The following ASCC3 variants were observed in gnomAD, a reference collection of about 807,000 sequenced individuals.
ASCC3 encodes the protein activating signal cointegrator 1 complex subunit 3.
ASCC3 carries 158 observed loss-of-function variants against 256.3 expected under a neutral mutation model. The observed-to-expected ratio is 0.62, with a 90% confidence interval of 0.54 to 0.70. The LOEUF (loss-of-function observed/expected upper bound fraction) is 0.70, where lower values mean the gene tolerates loss of function less well. ASCC3 is among the 30% of genes least tolerant of loss of function. ASCC3 has a pLI of 0.00. For synonymous variants in ASCC3, 948 were observed against 883.4 expected (o/e 1.07, Z -1.30); for missense variants, 2,259 against 2,626.0 (o/e 0.86, Z 3.05).
intron 8 of ASCC3, among the ~76,000 whole-genome samples, chr6:100,768,525 A>G (rs1781772345): frequency 6.6e-6 from 1 of 152,206 alleles, no homozygotes; most frequent in African/African-American, 2.4e-5. Flanking sequence ...ATTAATCAAC[A>G]CGATATAATA....
At chr6:100,775,339 A>C (rs775331744) in intron 8 of ASCC3, among the ~76,000 whole-genome samples, 4 of 152,144 alleles carry the variant, frequency 2.6e-5, no homozygotes, top group Admixed American at 6.5e-5. Flanking sequence ...AGAAATTATC[A>C]AGACTCCTCT....
chr6:100,868,946 T>G (rs1582990381), intron 1 of ASCC3, among the ~76,000 whole-genome samples: 1 of 152,230 alleles, frequency 6.6e-6, no homozygotes, highest in African/African-American at 2.4e-5. Context: ...AGGAGAGCCC[T>G]GATCTATGAA....
chr6:100,851,586 A>T (rs1415667838), intron 3 of ASCC3, among the ~76,000 whole-genome samples: 1 of 152,170 alleles, frequency 6.6e-6, no homozygotes, highest in Non-Finnish European at 1.5e-5. Flanking sequence ...CATTAACTTA[A>T]ATCTATAATT....
chr6:100,745,226 T>C (rs1379005069), intron 10 of ASCC3, among the ~76,000 whole-genome samples: 1 of 151,274 alleles, frequency 6.6e-6, no homozygotes, highest in East Asian at 1.9e-4. Flanking sequence ...ACTCAGGAGG[T>C]TGAGGCAAGA....
intron 37 of ASCC3, among the ~76,000 whole-genome samples, chr6:100,520,938 T>C (rs954536994): frequency 1.3e-5 from 2 of 152,130 alleles, no homozygotes; most frequent in African/African-American, 2.4e-5. Context: ...CCTTTTGTAA[T>C]CCTCTGTTTA....
intron 4 of ASCC3, among the ~76,000 whole-genome samples, chr6:100,823,681 G>A (rs1487860363): frequency 1.3e-5 from 2 of 152,018 alleles, no homozygotes; most frequent in East Asian, 3.9e-4. Context: ...TTCATGAATA[G>A]AAACAGTCAA....
chr6:100,772,495 G>A (rs1781989092), intron 8 of ASCC3, among the ~76,000 whole-genome samples: 1 of 152,156 alleles, frequency 6.6e-6, no homozygotes, highest in South Asian at 2.1e-4. Flanking sequence ...ATTAATTATT[G>A]AGACATGTAA....
chr6:100,737,180 G>A (rs1265869387), intron 10 of ASCC3, among the ~76,000 whole-genome samples: 4 of 150,604 alleles, frequency 2.7e-5, no homozygotes, highest in South Asian at 2.1e-4. Flanking sequence ...GGCAGTGGGG[G>A]TGGGTAGGGA....
chr6:100,729,410 A>C (rs2115046550), intron 10 of ASCC3, among the ~76,000 whole-genome samples: 1 of 152,342 alleles, frequency 6.6e-6, no homozygotes, highest in East Asian at 1.9e-4. Context: ...GTGTATTGGA[A>C]GCTATGCTTC....
chr6:100,758,791 G>A (rs1781303997), intron 10 of ASCC3, among the ~76,000 whole-genome samples: 1 of 152,096 alleles, frequency 6.6e-6, no homozygotes, highest in Non-Finnish European at 1.5e-5. Flanking sequence ...TGGTATTTCT[G>A]GTTTTAGATC....
chr6:100,717,989 G>A (rs1779163061), intron 12 of ASCC3, 86 bp downstream of exon 12: 1 of 1,316,670 alleles, frequency 7.6e-7, no homozygotes, highest in South Asian at 1.3e-5. Context: ...GGCTGAAATG[G>A]TCTTTTGGAG....
At chr6:100,691,043 ATACTT>A (rs1777822158) in intron 13 of ASCC3, among the ~76,000 whole-genome samples, 1 of 152,152 alleles carries the variant, frequency 6.6e-6, no homozygotes, top group Admixed American at 6.5e-5. Context: ...GAAATCAACA[ATACTT>A]TACATCTCCT....
At chr6:100,563,345 A>C (rs1770053903) in intron 36 of ASCC3, among the ~76,000 whole-genome samples, 2 of 152,188 alleles carry the variant, frequency 1.3e-5, no homozygotes, top group South Asian at 4.1e-4. Context: ...TTTAATTCTT[A>C]ATCTAGCTGA....
At chr6:100,590,443 T>C (rs1299190054) in intron 34 of ASCC3, among the ~76,000 whole-genome samples, 1 of 152,132 alleles carries the variant, frequency 6.6e-6, no homozygotes, top group Non-Finnish European at 1.5e-5. Context: ...ACTGAGAAGT[T>C]CTTGGCAAAA....
chr6:100,687,095 G>T (rs955743778), intron 13 of ASCC3, among the ~76,000 whole-genome samples: 1 of 140,538 alleles, frequency 7.1e-6, no homozygotes, highest in African/African-American at 2.6e-5. Context: ...TACACACAGA[G>T]ATGTCCATAA....
chr6:100,508,575 T>A lies in ASCC3; in HGVS notation c.*811A>T, dbSNP rs1054618850. On this transcript the variant is annotated 3_prime_UTR_variant, in exon 42 of 42. Coordinates refer to ENST00000369162, the MANE Select transcript of ASCC3 (RefSeq NM_006828.4). ...ATTGTACTATATGATCTGTAAGTGCTACAACATGAATTAGATTATACTTCT... is the reference window on the plus strand; with the variant it reads ...ATTGTACTATATGATCTGTAAGTGCAACAACATGAATTAGATTATACTTCT... 10 of 152,308 alleles carry A rather than the reference T, an allele frequency of 6.6e-5. No homozygotes were observed. Among genetic ancestry groups the A allele is most frequent in the Admixed American group, 2.6e-4 (4 of 15,304 alleles). The allele number at this position is 152,308 out of a possible 1,614,324, so 9.4% of individuals were successfully genotyped here. A position where few individuals can be genotyped will look rare whatever the true frequency, so the allele number is the denominator to read the frequency against.
intron 10 of ASCC3, among the ~76,000 whole-genome samples, chr6:100,739,691 C>G (rs973199407): frequency 1.3e-5 from 2 of 152,128 alleles, no homozygotes; most frequent in Non-Finnish European, 2.9e-5. Context: ...AGGAACTTAT[C>G]TGCTTCTTCT....
At chr6:100,630,112 AC>A (rs1774460942) in intron 26 of ASCC3, among the ~76,000 whole-genome samples, 1 of 151,126 alleles carries the variant, frequency 6.6e-6, no homozygotes, top group Non-Finnish European at 1.5e-5. Context: ...CTGGTCTCCA[AC>A]TCCTTTTCTC....
At chr6:100,706,311 T>A (rs1282833889) in intron 13 of ASCC3, among the ~76,000 whole-genome samples, 1 of 151,476 alleles carries the variant, frequency 6.6e-6, no homozygotes, top group Non-Finnish European at 1.5e-5. Flanking sequence ...TGGGATAACA[T>A]TAACTTCAAC....
Sources: gnomAD v4.1 joint callset for allele counts (sites outside exome capture counted in the v4.1 genomes callset) on GRCh38, gnomAD v4.1.1 for gene constraint, MANE v1.5 for transcripts, NCBI Gene and HGNC (gene_info 2026-07-23, HGNC 2026-07-21) for gene names.